The following MTMR3 variants were observed in gnomAD, a reference collection of about 807,000 sequenced individuals.
MTMR3 encodes phosphatidylinositol-3,5-bisphosphate 3-phosphatase MTMR3.
MTMR3 carries 32 observed loss-of-function variants against 132.4 expected under a neutral mutation model. That is an observed-to-expected ratio of 0.24 (90% CI 0.18 to 0.32). The LOEUF (loss-of-function observed/expected upper bound fraction) is 0.32. Among genes scored for constraint, MTMR3 ranks in the 10% least tolerant of loss-of-function variants. MTMR3 has a pLI of 1.00. For synonymous variants in MTMR3, 556 were observed against 550.3 expected (o/e 1.01, Z -0.14); for missense variants, 1,216 against 1,489.6 (o/e 0.82, Z 3.02).
At chr22:29,988,673 A>G (rs1032944686) in intron 6 of MTMR3, 111 bp downstream of exon 6, 27 of 665,860 alleles carry the variant, frequency 4.1e-5, no homozygotes, top group Non-Finnish European at 3.3e-5. Context: ...TAGCCTCATT[A>G]GGAATATTTT....
intron 1 of MTMR3, among the ~76,000 whole-genome samples, chr22:29,896,323 C>A (rs530479314): frequency 3.2e-4 from 49 of 151,940 alleles, no homozygotes; most frequent in African/African-American, 1.0e-3. Flanking sequence ...AACAAACAAA[C>A]AAAAAAAACT....
At chr22:29,953,549 A>G (rs1214281452) in intron 1 of MTMR3, among the ~76,000 whole-genome samples, 1 of 152,154 alleles carries the variant, frequency 6.6e-6, no homozygotes, top group Non-Finnish European at 1.5e-5. Context: ...CTTAGAGTAT[A>G]TTGTGTTAGG....
In MTMR3 at chr22:30,017,919, C is replaced by T. The variant is rs775839952; in HGVS notation, c.1675-8C>T. 8 of 1,612,366 alleles carry T rather than the reference C, an allele frequency of 5.0e-6. No individual in the cohort carries two copies. Among genetic ancestry groups the T allele is most frequent in the Admixed American group, 1.7e-5 (1 of 59,642 alleles). ...CATATTTAAACCTGTGTCCTCCCCC[C>T]TCCTCAGGTGCTGTACCCTGTGTGC... On this transcript the variant is annotated splice_polypyrimidine_tract_variant and splice_region_variant and intron_variant, in intron 15 of 19. Coordinates refer to ENST00000401950, the MANE Select transcript of MTMR3 (RefSeq NM_021090.4).
chr22:29,883,595 C>G (rs1049960289), intron 1 of MTMR3, among the ~76,000 whole-genome samples: 15 of 152,032 alleles, frequency 9.9e-5, no homozygotes, highest in African/African-American at 3.4e-4. Flanking sequence ...GAGCTCGGCC[C>G]GGACCCTAGA....
chr22:30,002,802 A>AGT (rs2067202967), intron 8 of MTMR3, 78 bp from the exon 9 acceptor site: 1 of 1,055,972 alleles, frequency 9.5e-7, no homozygotes, highest in Admixed American at 1.9e-5. Flanking sequence ...TGGCTCACCT[A>AGT]GTGTCTCTCT....
rs947937141 is a variant in MTMR3 at position 29,963,485 on chromosome 22, G to T, written c.-85+6397G>T. On this transcript the variant is annotated intron_variant, in intron 2 of 19. Transcript: ENST00000401950. ...GCTCACTGCAACCTCTGTCTCTCGG[G>T]TTCAAGTGATTCTCCTGCGTCAGCC... Among the ~76,000 whole-genome samples the T allele has an allele frequency of 7.3e-5, 11 of 151,088 alleles. No individual in the cohort carries two copies. The East Asian group carries it at 1.6e-3, about 22-fold the overall frequency.
rs532321958 is a variant in MTMR3, at chr22:29,889,049, T to C, written c.-138+5690T>C. ...ATGACATAACTGGCAAGAATTGGTA[T>C]GAAGACAAGATGGTTATAACTTGAA... On this transcript the variant is annotated intron_variant, in intron 1 of 19. Coordinates refer to ENST00000401950, the MANE Select transcript of MTMR3 (RefSeq NM_021090.4). Among the ~76,000 whole-genome samples, 6 of 152,150 alleles carry C rather than the reference T, an allele frequency of 3.9e-5. No individual in the cohort carries two copies. In the South Asian group the frequency reaches 1.2e-3, roughly 32 times the overall value.
At chr22:30,021,825 AC>A in intron 17 of MTMR3, 1 of 573,222 alleles carries the variant, frequency 1.7e-6, no homozygotes, top group Non-Finnish European at 3.1e-6. Context: ...ACTGCACACA[AC>A]CTGTGTATCC....
chr22:30,027,099 T>C lies in MTMR3; in HGVS notation c.*1298T>C, dbSNP rs1430240628. Reference sequence around the variant, plus strand: ...CTTAAATCAAGAATATTTGTGGAGGTAGGTGTGGGGAAGGTTGGAGAAGAG... The same window carrying C: ...CTTAAATCAAGAATATTTGTGGAGGCAGGTGTGGGGAAGGTTGGAGAAGAG... On this transcript the variant is annotated 3_prime_UTR_variant, in exon 20 of 20. Coordinates refer to ENST00000401950, the MANE Select transcript of MTMR3 (RefSeq NM_021090.4). 6.6e-6 allele frequency: 1 copy of C among 152,586 alleles called. No homozygotes were observed. Among genetic ancestry groups the C allele is most frequent in the South Asian group, 2.1e-4 (1 of 4,806 alleles). The allele number at this position is 152,586 out of a possible 1,614,324, so 9.5% of individuals were successfully genotyped here. A position where few individuals can be genotyped will look rare whatever the true frequency, so the allele number is the denominator to read the frequency against.
At chr22:29,936,704 A>G (rs1363732191) in intron 1 of MTMR3, among the ~76,000 whole-genome samples, 2 of 152,206 alleles carry the variant, frequency 1.3e-5, no homozygotes, top group African/African-American at 2.4e-5. Context: ...GATACCATTT[A>G]ATAGAGGTAA....
At chr22:29,909,921 C>A (rs894270508) in intron 1 of MTMR3, among the ~76,000 whole-genome samples, 5 of 149,944 alleles carry the variant, frequency 3.3e-5, no homozygotes, top group Admixed American at 2.7e-4. Context: ...TTTGGGAGGC[C>A]GAGGCGGGCG....
rs2067597778 is a variant in MTMR3, at chr22:30,016,585, G to A, written c.1561G>A (p.Ala521Thr). 6 of 1,614,118 alleles carry A rather than the reference G, an allele frequency of 3.7e-6. No individual in the cohort carries two copies. Among genetic ancestry groups the A allele is most frequent in the East Asian group, 4.5e-5 (2 of 44,880 alleles). Residue 521 changes from alanine to threonine, a missense_variant, in exon 15 of 20, where the codon GCC becomes ACC. By Grantham distance (58) the Ala-to-Thr change is moderately conservative. Around this residue, in one of 7 missense-constraint regions of MTMR3, gnomAD observed 852 missense variants for 852.0 expected, o/e 1.00. Coordinates refer to ENST00000401950, the MANE Select transcript of MTMR3 (RefSeq NM_021090.4). ...CLFGTFLCNN[A>T]KERGEKHTQE... Reference sequence around the variant, plus strand: ...GTTTGGAACATTCCTGTGCAACAACGCCAAGGAGAGAGGGGAAAAGCATAC... The same window carrying A: ...GTTTGGAACATTCCTGTGCAACAACACCAAGGAGAGAGGGGAAAAGCATAC...
rs996062311 is a variant in MTMR3 at position 30,028,194 on chromosome 22, C to T, written c.*2393C>T. ...TCTCGCCTCAAGGCTCCATTTTTAG[C>T]TGCTGCTCTGATTTCAGGGCAGCCA... On this transcript the variant is annotated 3_prime_UTR_variant, in exon 20 of 20. Coordinates refer to ENST00000401950, the MANE Select transcript of MTMR3 (RefSeq NM_021090.4). The T allele has an allele frequency of 2.0e-5, 3 of 152,378 alleles. No homozygotes were observed. The highest frequency in any genetic ancestry group is 2.0e-4 in the Admixed American group (3 of 15,276). The allele number at this position is 152,378 out of a possible 1,614,324, so 9.4% of individuals were successfully genotyped here.
chr22:30,023,571 C>T, intron 19 of MTMR3: 1 of 1,515,698 alleles, frequency 6.6e-7, no homozygotes. Flanking sequence ...CCTCTCTGCA[C>T]TTACTAGGGT....
At chr22:29,890,308 G>A (rs112565384) in intron 1 of MTMR3, among the ~76,000 whole-genome samples, 4,951 of 152,130 alleles carry the variant, frequency 0.033, 281 homozygotes, top group African/African-American at 0.11. Context: ...CCTGAGGTCA[G>A]CAGTTCAAGA....
At position 30,002,870 on chromosome 22, in the gene MTMR3, TTC is replaced by T; in HGVS notation, c.558-6_558-5del. 6.2e-7 allele frequency: 1 copy of T among 1,606,892 alleles called. No homozygotes were observed. Reference sequence around the variant, plus strand: ...CCCTTGACTCTCCCCACTTCTCATCTTCTCTTTAGATTATGTGGTAGCTATCC... The same window carrying T: ...CCCTTGACTCTCCCCACTTCTCATCTTCTTTAGATTATGTGGTAGCTATCC... On this transcript the variant is annotated splice_polypyrimidine_tract_variant and splice_region_variant and intron_variant, in intron 8 of 19. Coordinates refer to ENST00000401950, the MANE Select transcript of MTMR3 (RefSeq NM_021090.4).
In MTMR3 at chr22:29,928,675, T is replaced by A. The variant is rs539304207; in HGVS notation, c.-137-28361T>A. ...TGTTGGTGTGAAGTTTAAAAAAAAT[T>A]TTTTTTTAAGTTTTTTTAAAATAGA... On this transcript the variant is annotated intron_variant, in intron 1 of 19. Coordinates refer to ENST00000401950, the MANE Select transcript of MTMR3 (RefSeq NM_021090.4). Among the ~76,000 whole-genome samples the A allele has an allele frequency of 5.2e-4, 78 of 150,798 alleles. 1 individual carries two copies. The highest frequency in any genetic ancestry group is 1.4e-3 in the East Asian group (7 of 5,068).
At chr22:29,942,871 C>A (rs2065883879) in intron 1 of MTMR3, among the ~76,000 whole-genome samples, 2 of 152,158 alleles carry the variant, frequency 1.3e-5, no homozygotes, top group Admixed American at 1.3e-4. Flanking sequence ...ACAACTTGTG[C>A]AATTAATGCA....
At position 30,019,561 on chromosome 22, in the gene MTMR3, C is replaced by T; in HGVS notation, c.1902C>T (p.Asp634=). The T allele has an allele frequency of 1.2e-6, 2 of 1,613,680 alleles. No individual in the cohort carries two copies. Among genetic ancestry groups the T allele is most frequent in the Non-Finnish European group, 1.7e-6 (2 of 1,180,038 alleles). ...CTCTGGCCAGCCGGCGCTGCAGCGA[C>T]CCCAGCCTGAACGAGAAGTGGCAGG... ...TVPLASRRCS[D]PSLNEKWQEH... is the part of the protein sequence containing the mutation. Residue 634 remains aspartate, a synonymous_variant, in exon 17 of 20, where the codon GAC becomes GAT. Coordinates refer to ENST00000401950, the MANE Select transcript of MTMR3 (RefSeq NM_021090.4).
Sources: allele counts gnomAD v4.1 joint callset (sites outside exome capture counted in the v4.1 genomes callset), GRCh38; gene constraint gnomAD v4.1.1; regional missense constraint gnomAD v4.1.1; transcripts MANE v1.5; gene names NCBI Gene and HGNC (gene_info 2026-07-23, HGNC 2026-07-21).